ANKS1B: variants seen among roughly 807,000 people sequenced by gnomAD.
The protein encoded by ANKS1B is ankyrin repeat and sterile alpha motif domain-containing protein 1B.
A neutral mutation model predicts 148.3 loss-of-function variants in ANKS1B; 36 were observed. The observed-to-expected ratio is 0.24, with a 90% CI of 0.19 to 0.32. ANKS1B has a LOEUF of 0.32. Among genes scored for constraint, ANKS1B ranks in the 10% least tolerant of loss-of-function variants. ANKS1B has a pLI of 1.00. For missense variants in ANKS1B, 1,157 were observed against 1,542.6 expected (o/e 0.75, Z 4.19); for synonymous variants, 542 against 560.8 (o/e 0.97, Z 0.47).
intron 14 of ANKS1B, among the ~76,000 whole-genome samples, chr12:99,190,893 G>A (rs1246183941): frequency 1.3e-5 from 2 of 151,864 alleles, no homozygotes; most frequent in African/African-American, 4.8e-5. Context: ...AAACTATCAT[G>A]AGAGTGAACA....
chr12:99,400,035 G>C (rs2094359101), intron 11 of ANKS1B, among the ~76,000 whole-genome samples: 1 of 152,040 alleles, frequency 6.6e-6, no homozygotes, highest in South Asian at 2.1e-4. Flanking sequence ...GATGTGATAG[G>C]TTAGGCTTTT....
At chr12:99,366,101 T>A (rs1593177481) in intron 12 of ANKS1B, among the ~76,000 whole-genome samples, 1 of 152,178 alleles carries the variant, frequency 6.6e-6, no homozygotes, top group African/African-American at 2.4e-5. Context: ...CTGGACTGTG[T>A]TTCTCTAGAC....
chr12:99,030,736 C>A (rs570835745), intron 17 of ANKS1B, among the ~76,000 whole-genome samples: 53 of 152,200 alleles, frequency 3.5e-4, no homozygotes, highest in Non-Finnish European at 5.0e-4. Context: ...TTCTTACTCA[C>A]CAGTTGTCTC....
At chr12:99,132,940 C>A (rs898946738) in intron 15 of ANKS1B, among the ~76,000 whole-genome samples, 1 of 151,594 alleles carries the variant, frequency 6.6e-6, no homozygotes. Context: ...ACTTAAAATT[C>A]ATTGAAAACT....
chr12:99,919,033 C>T (rs933762254), intron 1 of ANKS1B, among the ~76,000 whole-genome samples: 1 of 152,174 alleles, frequency 6.6e-6, no homozygotes, highest in Non-Finnish European at 1.5e-5. Context: ...CAAAAATAAA[C>T]ATAAACTCCT....
rs112911914 is a variant in ANKS1B at position 99,337,778 on chromosome 12, G to C, written c.1756+61853C>G. 2.9e-3 allele frequency among the ~76,000 whole-genome samples: 447 copies of C among 152,308 alleles called. 1 individual carries two copies. The highest frequency in any genetic ancestry group is 0.01 in the African/African-American group (427 of 41,588). ...AGACTTACAGAGGTCCAGCCTTGGT[G>C]GACCTGAGAGAGAATTGGGTGAGAT... On this transcript the variant is annotated intron_variant, in intron 12 of 26. Transcript: ENST00000683438.
At chr12:99,243,870 G>C (rs998141850) in intron 14 of ANKS1B, among the ~76,000 whole-genome samples, 1 of 152,116 alleles carries the variant, frequency 6.6e-6, no homozygotes, top group Non-Finnish European at 1.5e-5. Flanking sequence ...GGCCTCTTGC[G>C]GGGTGGGGAG....
chr12:99,893,504 G>C (rs12581497), intron 1 of ANKS1B, among the ~76,000 whole-genome samples: 2 of 151,944 alleles, frequency 1.3e-5, no homozygotes, highest in African/African-American at 4.8e-5. Context: ...TGAAGCAGTG[G>C]TGAATCAAGT....
intron 8 of ANKS1B, among the ~76,000 whole-genome samples, chr12:99,742,793 G>A (rs1054758598): frequency 7.9e-5 from 11 of 140,046 alleles, no homozygotes; most frequent in Admixed American, 1.5e-4. Context: ...AGCCAAGATC[G>A]CACCACTGCC....
chr12:99,605,192 C>A (rs2097842868), intron 9 of ANKS1B, among the ~76,000 whole-genome samples: 1 of 152,004 alleles, frequency 6.6e-6, no homozygotes, highest in Non-Finnish European at 1.5e-5. Context: ...TTTTCATAAA[C>A]ATTTTTTAAA....
chr12:99,675,800 G>A (rs2098562258), intron 8 of ANKS1B, among the ~76,000 whole-genome samples: 2 of 152,184 alleles, frequency 1.3e-5, no homozygotes, highest in Non-Finnish European at 2.9e-5. Flanking sequence ...TGCTACCTCT[G>A]TGTGTATACT....
intron 17 of ANKS1B, among the ~76,000 whole-genome samples, chr12:98,856,534 A>C (rs1264508721): frequency 6.6e-6 from 1 of 152,202 alleles, no homozygotes; most frequent in African/African-American, 2.4e-5. Flanking sequence ...TTGTTAACAA[A>C]CAGATGATTT....
intron 12 of ANKS1B, among the ~76,000 whole-genome samples, chr12:99,329,559 G>A (rs1449203291): frequency 1.3e-5 from 2 of 151,756 alleles, no homozygotes; most frequent in African/African-American, 2.4e-5. Flanking sequence ...CATTTGTACA[G>A]TATATGTAGT....
intron 12 of ANKS1B, among the ~76,000 whole-genome samples, chr12:99,284,465 A>G (rs575906148): frequency 1.3e-5 from 2 of 152,374 alleles, no homozygotes; most frequent in East Asian, 3.9e-4. Flanking sequence ...ATTCCAAATT[A>G]TAAGTCCCTA....
At chr12:99,738,883 T>C (rs1192171809) in intron 8 of ANKS1B, among the ~76,000 whole-genome samples, 1 of 152,112 alleles carries the variant, frequency 6.6e-6, no homozygotes, top group Admixed American at 6.6e-5. Context: ...AGTAGGTGAT[T>C]CCATATTATA....
chr12:99,666,857 GGTGTGTGTGTGT>G (rs3083633), intron 8 of ANKS1B, among the ~76,000 whole-genome samples: 13 of 132,626 alleles, frequency 9.8e-5, no homozygotes, highest in South Asian at 9.3e-4. Flanking sequence ...GTTACTATGG[GGTGTGTGTGTGT>G]GTGTGTGTGT....
intron 26 of ANKS1B, among the ~76,000 whole-genome samples, chr12:98,746,133 C>CGAGGGGAAGA (rs960254257): frequency 6.6e-6 from 1 of 152,100 alleles, no homozygotes; most frequent in African/African-American, 2.4e-5. Flanking sequence ...AGGTGAGATA[C>CGAGGGGAAGA]GAGGGGAAGA....
rs1389820987 is a variant in ANKS1B at position 99,572,504 on chromosome 12, ACTAT to A, written c.1273-67867_1273-67864del. On this transcript the variant is annotated intron_variant, in intron 9 of 26. Transcript: ENST00000683438. ...ATGCAATTTTATATTTCAAATCAAAACTATCTAATGTATAATTAAGTTAAAATTC... is the reference window on the plus strand; with the variant it reads ...ATGCAATTTTATATTTCAAATCAAAACTAATGTATAATTAAGTTAAAATTC... 4.6e-5 allele frequency among the ~76,000 whole-genome samples: 7 copies of A among 152,196 alleles called. No homozygotes were observed. In the East Asian group the frequency reaches 1.4e-3, roughly 29 times the overall value.
chr12:98,883,526 T>C (rs1330541351), intron 17 of ANKS1B, among the ~76,000 whole-genome samples: 7 of 152,228 alleles, frequency 4.6e-5, no homozygotes, highest in Non-Finnish European at 8.8e-5. Flanking sequence ...CCCCATAGCT[T>C]ACATGGCATT....
Sources: allele counts gnomAD v4.1 joint callset (sites outside exome capture counted in the v4.1 genomes callset), GRCh38; gene constraint gnomAD v4.1.1; transcripts MANE v1.5; gene names NCBI Gene and HGNC (gene_info 2026-07-23, HGNC 2026-07-21).